The following SLC24A2 variants were observed in gnomAD, a reference collection of about 807,000 sequenced individuals.
The protein encoded by SLC24A2 is solute carrier family 24 member 2.
In SLC24A2, 36 loss-of-function variants were observed where a neutral mutation model predicts 62.0. That is an observed-to-expected ratio of 0.58 (90% CI 0.44 to 0.77). SLC24A2 has a LOEUF of 0.77. SLC24A2 is among the 30% of genes least tolerant of loss of function. The probability of loss-of-function intolerance (pLI) is 0.00; values close to 1 mark genes in which losing one functional copy is unlikely to be tolerated. For synonymous variants in SLC24A2, 358 were observed against 294.0 expected (o/e 1.22, Z -2.23); for missense variants, 846 against 817.9 (o/e 1.03, Z -0.42).
the SLC24A2 span, among the ~76,000 whole-genome samples, chr9:20,185,538 G>A: frequency 2.6e-5 from 4 of 151,638 alleles, no homozygotes; most frequent in Non-Finnish European, 5.9e-5. Flanking sequence ...GGTTGTGGGC[G>A]CCTGTAGTCC....
the SLC24A2 span, among the ~76,000 whole-genome samples, chr9:19,947,357 G>C: frequency 6.7e-4 from 101 of 151,190 alleles, no homozygotes; most frequent in Non-Finnish European, 1.2e-3. Flanking sequence ...CGGAAGGAAG[G>C]AAGGAAGGAA....
Position 19,597,164 on chromosome 9 carries a change from T to A in SLC24A2, c.1129+65A>T, listed in dbSNP as rs373955622. On this transcript the variant is annotated intron_variant, in intron 5 of 10. Coordinates refer to ENST00000341998, the MANE Select transcript of SLC24A2 (RefSeq NM_020344.4). ...AGAGAGGAAAAAAAAGAATAAAAAA[T>A]GGGCAAGCAACAGACACCATAAATG... The A allele has an allele frequency of 1.3e-4, 134 of 1,029,790 alleles. 1 individual carries two copies. The African/African-American group carries it at 1.8e-3, about 14-fold the overall frequency. The allele number at this position is 1,029,790 out of a possible 1,614,324, so 63.8% of individuals were successfully genotyped here. A position where few individuals can be genotyped will look rare whatever the true frequency, so the allele number is the denominator to read the frequency against.
the SLC24A2 span, among the ~76,000 whole-genome samples, chr9:20,176,856 A>G: frequency 6.6e-6 from 1 of 152,120 alleles, no homozygotes; most frequent in Admixed American, 6.6e-5. Flanking sequence ...TATGAATAAA[A>G]GCTTTAGAAT....
the SLC24A2 span, among the ~76,000 whole-genome samples, chr9:20,180,076 C>T: frequency 6.6e-6 from 1 of 152,138 alleles, no homozygotes; most frequent in Non-Finnish European, 1.5e-5. Context: ...TCAACATACA[C>T]AAAATCTAGA....
chr9:19,981,295 G>A, the SLC24A2 span, among the ~76,000 whole-genome samples: 1 of 152,098 alleles, frequency 6.6e-6, no homozygotes, highest in African/African-American at 2.4e-5. Context: ...GTATTGTCAA[G>A]CATTGTTCTA....
the SLC24A2 span, among the ~76,000 whole-genome samples, chr9:20,015,708 C>A: frequency 6.6e-6 from 1 of 152,192 alleles, no homozygotes. Context: ...CATACAGATT[C>A]AAAGGAGACA....
chr9:19,899,893 C>T, the SLC24A2 span, among the ~76,000 whole-genome samples: 2 of 152,156 alleles, frequency 1.3e-5, no homozygotes, highest in Non-Finnish European at 2.9e-5. Context: ...GATTACCTCC[C>T]ACCAGGTCAC....
At chr9:20,135,296 T>C in the SLC24A2 span, among the ~76,000 whole-genome samples, 1 of 149,298 alleles carries the variant, frequency 6.7e-6, no homozygotes, top group Non-Finnish European at 1.5e-5. Flanking sequence ...AATTTTTAAT[T>C]ACAATTTAAA....
At chr9:20,188,995 C>G in the SLC24A2 span, among the ~76,000 whole-genome samples, 1 of 151,820 alleles carries the variant, frequency 6.6e-6, no homozygotes, top group South Asian at 2.1e-4. Context: ...TTTACACAAG[C>G]TGTTATAATA....
the SLC24A2 span, among the ~76,000 whole-genome samples, chr9:20,197,684 G>A: frequency 2.6e-5 from 4 of 151,984 alleles, no homozygotes; most frequent in Non-Finnish European, 1.5e-5. Context: ...TGCCCACCTT[G>A]GCCTCCCAAA....
chr9:19,872,415 A>C, the SLC24A2 span, among the ~76,000 whole-genome samples: 3 of 152,150 alleles, frequency 2.0e-5, no homozygotes, highest in Non-Finnish European at 4.4e-5. Flanking sequence ...ACACAGATAC[A>C]CATTTCTAGT....
the SLC24A2 span, among the ~76,000 whole-genome samples, chr9:19,987,293 T>G: frequency 6.6e-6 from 1 of 152,128 alleles, no homozygotes; most frequent in African/African-American, 2.4e-5. Flanking sequence ...AGAAGAGCTA[T>G]ACGATACCTT....
chr9:20,155,472 T>G, the SLC24A2 span, among the ~76,000 whole-genome samples: 3 of 151,880 alleles, frequency 2.0e-5, no homozygotes, highest in Admixed American at 6.6e-5. Flanking sequence ...TCTTAGATAT[T>G]TGTGGATTTT....
chr9:20,206,580 C>T, the SLC24A2 span, among the ~76,000 whole-genome samples: 2 of 152,068 alleles, frequency 1.3e-5, no homozygotes, highest in South Asian at 4.1e-4. Context: ...ACCTCTGCCT[C>T]CCAGGTTCAA....
At chr9:19,996,494 C>G in the SLC24A2 span, among the ~76,000 whole-genome samples, 1 of 152,094 alleles carries the variant, frequency 6.6e-6, no homozygotes, top group Non-Finnish European at 1.5e-5. Context: ...TAATCCCACA[C>G]TTTGGGAGGC....
the SLC24A2 span, among the ~76,000 whole-genome samples, chr9:20,275,208 G>C: frequency 6.6e-6 from 1 of 152,098 alleles, no homozygotes; most frequent in African/African-American, 2.4e-5. Flanking sequence ...TAGGGGTTAC[G>C]GCAAACAAGT....
At chr9:20,082,838 A>G in the SLC24A2 span, among the ~76,000 whole-genome samples, 1 of 152,232 alleles carries the variant, frequency 6.6e-6, no homozygotes, top group East Asian at 1.9e-4. Flanking sequence ...AAAAACAAAC[A>G]ACAACAAAAA....
At chr9:19,971,536 G>T in the SLC24A2 span, among the ~76,000 whole-genome samples, 2 of 152,224 alleles carry the variant, frequency 1.3e-5, no homozygotes, top group East Asian at 3.9e-4. Context: ...GATTATTCCT[G>T]GTACCAACCA....
intron 8 of SLC24A2, among the ~76,000 whole-genome samples, chr9:19,532,268 G>C (rs1027743183): frequency 1.3e-5 from 2 of 151,978 alleles, no homozygotes; most frequent in Non-Finnish European, 2.9e-5. Flanking sequence ...CTAATTTTTT[G>C]TATTTTTAGT....
Sources: allele counts gnomAD v4.1 joint callset (sites outside exome capture counted in the v4.1 genomes callset), GRCh38; gene constraint gnomAD v4.1.1; transcripts MANE v1.5; gene names NCBI Gene and HGNC (gene_info 2026-07-23, HGNC 2026-07-21).